PERP: variants seen among roughly 807,000 people sequenced by gnomAD.
PERP encodes the protein p53 apoptosis effector related to PMP-22.
In PERP, 11 loss-of-function variants were observed where a neutral mutation model predicts 20.3. The observed-to-expected ratio is 0.54, with a 90% CI of 0.34 to 0.90. The LOEUF is 0.90. PERP is among the 40% of genes least tolerant of loss of function. The pLI is 0.02. For synonymous variants in PERP, 101 were observed against 102.0 expected, an observed-to-expected ratio of 0.99 and a Z score of 0.06; for missense variants, 224 against 249.4, an observed-to-expected ratio of 0.90 and a Z score of 0.69.
In PERP at chr6:138,107,381, G is replaced by C; in HGVS notation, c.-41C>G. On this transcript the variant is annotated 5_prime_UTR_variant, in exon 1 of 3. Coordinates refer to ENST00000421351, the MANE Select transcript of PERP (RefSeq NM_022121.5). The surrounding 1 kb of genome is among the most constrained non-coding windows in gnomAD (Gnocchi z 4.8). ...GGGGCCGAGCGGAGCGGAGCGGAGC[G>C]GGTCGGAGGAGCGCGCGGGACGGGC... is the stretch of plus-strand genomic sequence containing the variant. 1 of 1,433,716 alleles carries C rather than the reference G, an allele frequency of 7.0e-7. No individual in the cohort carries two copies. The highest frequency in any genetic ancestry group is 9.1e-7 in the Non-Finnish European group (1 of 1,094,512). 88.8% of individuals were successfully genotyped at this position (1,433,716 alleles called of 1,614,324 possible).
intron 2 of PERP, among the ~76,000 whole-genome samples, chr6:138,095,345 ACTC>A (rs3832397): frequency 0.074 from 11,244 of 151,978 alleles, 432 homozygotes; most frequent in South Asian, 0.11. Flanking sequence ...TCTTTGAGGC[ACTC>A]CTCCTGCCTC....
At chr6:138,095,991 A>C (rs1775683496) in intron 2 of PERP, among the ~76,000 whole-genome samples, 1 of 152,146 alleles carries the variant, frequency 6.6e-6, no homozygotes, top group Non-Finnish European at 1.5e-5. Flanking sequence ...TCCCCTCAGC[A>C]GGGGGCTCAC....
At chr6:138,103,857 C>T (rs1425523106) in intron 1 of PERP, among the ~76,000 whole-genome samples, 1 of 152,202 alleles carries the variant, frequency 6.6e-6, no homozygotes, top group African/African-American at 2.4e-5. Context: ...TCATGTAATA[C>T]TGATTCTTTG....
At position 138,091,914 on chromosome 6, in the gene PERP, T is replaced by C. The variant is rs1775589510; in HGVS notation, c.*128A>G. On this transcript the variant is annotated 3_prime_UTR_variant, in exon 3 of 3. Transcript: ENST00000421351. ...AAAAATATTTTCTCCCAAATTATTTTAGCATTTTTGACTAGTTTAATAATA... is the reference window on the plus strand; with the variant it reads ...AAAAATATTTTCTCCCAAATTATTTCAGCATTTTTGACTAGTTTAATAATA... 5 of 698,016 alleles carry C rather than the reference T, an allele frequency of 7.2e-6. No individual in the cohort carries two copies. Among genetic ancestry groups the C allele is most frequent in the East Asian group, 2.8e-5 (1 of 36,334 alleles). The allele number at this position is 698,016 out of a possible 1,614,324, so 43.2% of individuals were successfully genotyped here.
Position 138,092,112 on chromosome 6 carries a change from C to T in PERP, c.512G>A (p.Cys171Tyr). ...IILIGCAFFFCCLPNYEDDLL... is the reference protein window; with the variant it reads ...IILIGCAFFFYCLPNYEDDLL... Reference sequence around the variant, plus strand: ...GTCATCTTCGTAGTTGGGGAGGCAGCAGAAGAAGAAGGCACAGCCAATCAG... The same window carrying T: ...GTCATCTTCGTAGTTGGGGAGGCAGTAGAAGAAGAAGGCACAGCCAATCAG... The change falls in exon 3 of 3, where the codon TGC (cysteine) becomes TAC (tyrosine). Residue 171 changes from cysteine (C) to tyrosine (Y), a missense_variant. Transcript: ENST00000421351. 6.2e-7 allele frequency: 1 copy of T among 1,614,044 alleles called. No homozygotes were observed. The highest frequency in any genetic ancestry group is 8.5e-7 in the Non-Finnish European group (1 of 1,179,964).
intron 1 of PERP, among the ~76,000 whole-genome samples, chr6:138,104,800 AGT>A (rs553795801): frequency 9.2e-5 from 14 of 152,306 alleles, no homozygotes; most frequent in Admixed American, 2.6e-4. Flanking sequence ...CATACGTGGG[AGT>A]GTGTGTAAAC....
At chr6:138,104,114 G>A (rs545399603) in intron 1 of PERP, among the ~76,000 whole-genome samples, 10 of 152,296 alleles carry the variant, frequency 6.6e-5, no homozygotes, top group East Asian at 1.9e-4. Flanking sequence ...ACACAGCTGC[G>A]GCTGAAAATA....
intron 1 of PERP, among the ~76,000 whole-genome samples, chr6:138,106,146 C>T (rs1775837416): frequency 6.6e-6 from 1 of 152,162 alleles, no homozygotes; most frequent in Admixed American, 6.5e-5. Context: ...GGGTAGCTTG[C>T]TGTCTGTGTT....
At chr6:138,095,162 T>G (rs1775660145) in intron 2 of PERP, among the ~76,000 whole-genome samples, 1 of 152,228 alleles carries the variant, frequency 6.6e-6, no homozygotes, top group Non-Finnish European at 1.5e-5. Flanking sequence ...GAAATGAAAG[T>G]GGGCATCAAC....
intron 2 of PERP, among the ~76,000 whole-genome samples, chr6:138,093,474 G>A: frequency 6.6e-6 from 1 of 150,804 alleles, no homozygotes. Context: ...CTCTTCTCTT[G>A]CAATTTACAA....
chr6:138,103,768 T>C (rs1049123365), intron 1 of PERP, among the ~76,000 whole-genome samples: 2 of 152,232 alleles, frequency 1.3e-5, no homozygotes, highest in African/African-American at 4.8e-5. Flanking sequence ...TTTAGACTAA[T>C]GTGAACTATT....
intron 2 of PERP, 105 bp from the exon 3 acceptor site, chr6:138,092,373 A>C: frequency 9.6e-7 from 1 of 1,037,392 alleles, no homozygotes. Context: ...CTGCCTTGAA[A>C]TAAGTATAAA....
chr6:138,097,096 G>A (rs1775705478), intron 1 of PERP, among the ~76,000 whole-genome samples: 1 of 152,160 alleles, frequency 6.6e-6, no homozygotes, highest in African/African-American at 2.4e-5. Context: ...AAGCTTGGGA[G>A]CAAACCACTT....
chr6:138,101,335 A>G (rs145031942), intron 1 of PERP, among the ~76,000 whole-genome samples: 1,677 of 152,328 alleles, frequency 0.011, 28 homozygotes, highest in African/African-American at 0.038. Flanking sequence ...GCGCCACTGC[A>G]CTCTAGCCTG....
chr6:138,104,093 A>G lies in PERP; in HGVS notation c.214+3034T>C, dbSNP rs190879187. On this transcript the variant is annotated intron_variant, in intron 1 of 2. Transcript: ENST00000421351. Reference sequence around the variant, plus strand: ...TTGAACAAGCTGGAGCTTGCCTGTGATTTGAAATCTACACAGCTGCGGCTG... The same window carrying G: ...TTGAACAAGCTGGAGCTTGCCTGTGGTTTGAAATCTACACAGCTGCGGCTG... 9.9e-4 allele frequency among the ~76,000 whole-genome samples: 151 copies of G among 151,968 alleles called. 2 individuals carry two copies. The highest frequency in any genetic ancestry group is 9.9e-3 in the Admixed American group (151 of 15,274).
chr6:138,096,423 AG>A lies in PERP; in HGVS notation c.285del (p.Phe96SerfsTer13). ...FIILVICFILSFFALCGPQML... is the reference protein window; with the variant it reads ...FIILVICFILXFFALCGPQML... Reference sequence around the variant, plus strand: ...ATCTGGGGTCCACAGAGGGCGAAGAAGGAGAGGATGAAACAGATCACCAGGA... The same window carrying A: ...ATCTGGGGTCCACAGAGGGCGAAGAAGAGAGGATGAAACAGATCACCAGGA... On this transcript the variant is annotated frameshift_variant, in exon 2 of 3. Transcript: ENST00000421351. LOFTEE classifies it high-confidence loss of function. The A allele has an allele frequency of 6.2e-7, 1 of 1,614,158 alleles. No homozygotes were observed. Among genetic ancestry groups the A allele is most frequent in the Non-Finnish European group, 8.5e-7 (1 of 1,180,016 alleles).
chr6:138,091,514 AATGAT>A lies in PERP; in HGVS notation c.*523_*527del, dbSNP rs1227533624. On this transcript the variant is annotated 3_prime_UTR_variant, in exon 3 of 3. Transcript: ENST00000421351. ...AGGATATTAATGAGAAATTCTCACA[AATGAT>A]ATGCATTTAGGAAATGATTTTGCTT... The A allele has an allele frequency of 1.3e-5, 2 of 152,546 alleles. No homozygotes were observed. Among genetic ancestry groups the A allele is most frequent in the African/African-American group, 4.8e-5 (2 of 41,468 alleles). 9.4% of individuals were successfully genotyped at this position (152,546 alleles called of 1,614,324 possible).
At chr6:138,106,375 C>T (rs1775841483) in intron 1 of PERP, among the ~76,000 whole-genome samples, 1 of 152,196 alleles carries the variant, frequency 6.6e-6, no homozygotes, top group South Asian at 2.1e-4. Context: ...GCAAGGCAAG[C>T]AGGGAGCTTC....
intron 2 of PERP, among the ~76,000 whole-genome samples, chr6:138,095,115 G>C (rs1242011185): frequency 6.6e-6 from 1 of 152,200 alleles, no homozygotes; most frequent in Non-Finnish European, 1.5e-5. Flanking sequence ...TTCTTTGCTA[G>C]AGTCTCATAA....
Sources: gnomAD v4.1 joint callset for allele counts (sites outside exome capture counted in the v4.1 genomes callset) on GRCh38, gnomAD v4.1.1 for gene constraint, Gnocchi (gnomAD v3.1) non-coding constraint, MANE v1.5 for transcripts, NCBI Gene and HGNC (gene_info 2026-07-23, HGNC 2026-07-21) for gene names.